TDRD6: variants seen among roughly 807,000 people sequenced by gnomAD.
TDRD6 encodes the protein tudor domain containing 6, also known as tudor domain-containing protein 6.
Under a neutral mutation model 157.5 loss-of-function variants are expected in TDRD6, and 186 were observed. The ratio of observed to expected loss-of-function variants is 1.18; its 90% CI spans 1.05 to 1.33. TDRD6 has a LOEUF of 1.33. Among genes scored for constraint, TDRD6 ranks in the 40% most tolerant of loss-of-function variants. TDRD6 has a pLI of 0.00. For synonymous variants in TDRD6, 1,075 were observed against 945.2 expected, an observed-to-expected ratio of 1.14 and a Z score of -2.52; for missense variants, 3,066 against 2,508.0, an observed-to-expected ratio of 1.22 and a Z score of -4.75.
In TDRD6 at chr6:46,691,016, A is replaced by G. The variant is rs774197702; in HGVS notation, c.2888A>G (p.Gln963Arg). The change falls in exon 1 of 4, where the codon CAG becomes CGG. Residue 963 changes from glutamine (Q) to arginine (R), a missense_variant. Physicochemically the swap from Gln to Arg is conservative, Grantham distance 43. Transcript: ENST00000316081. ...EKRLARPVKL[Q>R]KPLESSVQLH... is the part of the protein sequence containing the mutation. Reference sequence around the variant, plus strand: ...AGACTTGCAAGACCAGTAAAACTTCAGAAGCCTTTGGAGTCCTCTGTTCAG... The same window carrying G: ...AGACTTGCAAGACCAGTAAAACTTCGGAAGCCTTTGGAGTCCTCTGTTCAG... 16 of 1,613,736 alleles carry G rather than the reference A, an allele frequency of 9.9e-6. No homozygotes were observed. The highest frequency in any genetic ancestry group is 1.4e-5 in the Non-Finnish European group (16 of 1,179,934).
Position 46,691,619 on chromosome 6 carries a change from G to A in TDRD6, c.3491G>A (p.Arg1164Lys), listed in dbSNP as rs770534504. 6.2e-7 allele frequency: 1 copy of A among 1,612,190 alleles called. No individual in the cohort carries two copies. The highest frequency in any genetic ancestry group is 8.5e-7 in the Non-Finnish European group (1 of 1,179,268). Residue 1164 changes from arginine to lysine, a missense_variant, in exon 1 of 4, where the codon AGA becomes AAA. Transcript: ENST00000316081. ...TTGGGGCTACTTAGTTACAAAGATA[G>A]AATAAGAAAAAAAGAAAGTGAAGTC... is the stretch of plus-strand genomic sequence containing the variant. ...KKLGLLSYKD[R>K]IRKKESEVLC...
In TDRD6 at chr6:46,692,140, T is replaced by TTA; in HGVS notation, c.4013_4014dup (p.Asn1339Ter). On this transcript the variant is annotated frameshift_variant, in exon 1 of 4. Coordinates refer to ENST00000316081, the MANE Select transcript of TDRD6 (RefSeq NM_001010870.3). LOFTEE classifies it high-confidence loss of function. ...TGAAATTAGTCATCTTTCAGAGAGATTAAACAGTGTTAAAACAAGGCCCGA... is the reference window on the plus strand; with the variant it reads ...TGAAATTAGTCATCTTTCAGAGAGATTATAAACAGTGTTAAAACAAGGCCCGA... 1.2e-6 allele frequency: 2 copies of TTA among 1,614,088 alleles called. No individual in the cohort carries two copies. Among genetic ancestry groups the TTA allele is most frequent in the Non-Finnish European group, 1.7e-6 (2 of 1,179,972 alleles).
rs931543727 is a variant in TDRD6, at chr6:46,702,608, A to C, written c.*721A>C. ...ACTTTATTCATCAACTTTGAAGTGC[A>C]TATCAATATTATCCATATTTTATAG... is the stretch of plus-strand genomic sequence containing the variant. On this transcript the variant is annotated 3_prime_UTR_variant, in exon 4 of 4. Transcript: ENST00000316081. The C allele has an allele frequency of 6.6e-6, 1 of 152,148 alleles. No individual in the cohort carries two copies. Among genetic ancestry groups the C allele is most frequent in the African/African-American group, 2.4e-5 (1 of 41,450 alleles). The allele number at this position is 152,148 out of a possible 1,614,324, so 9.4% of individuals were successfully genotyped here.
chr6:46,687,954 G>A lies in TDRD6; in HGVS notation c.-175G>A, dbSNP rs1764150899. 3.8e-6 allele frequency: 4 copies of A among 1,059,898 alleles called. No individual in the cohort carries two copies. The highest frequency in any genetic ancestry group is 3.9e-5 in the South Asian group (2 of 51,934). The allele number at this position is 1,059,898 out of a possible 1,614,324, so 65.7% of individuals were successfully genotyped here. Reference sequence around the variant, plus strand: ...CTTACCAGTCCGTGGCGGGAGTCCCGGAGGACCCTCGACGGGGGAGTTGCC... The same window carrying A: ...CTTACCAGTCCGTGGCGGGAGTCCCAGAGGACCCTCGACGGGGGAGTTGCC... On this transcript the variant is annotated 5_prime_UTR_variant, in exon 1 of 4. Transcript: ENST00000316081.
rs544302994 is a variant in TDRD6, at chr6:46,687,964, C to T, written c.-165C>T. The T allele has an allele frequency of 9.5e-6, 11 of 1,152,662 alleles. No homozygotes were observed. Among genetic ancestry groups the T allele is most frequent in the African/African-American group, 4.9e-5 (3 of 60,664 alleles). The allele number at this position is 1,152,662 out of a possible 1,614,324, so 71.4% of individuals were successfully genotyped here. A position where few individuals can be genotyped will look rare whatever the true frequency, so the allele number is the denominator to read the frequency against. On this transcript the variant is annotated 5_prime_UTR_variant, in exon 1 of 4. Transcript: ENST00000316081. Reference sequence around the variant, plus strand: ...CGTGGCGGGAGTCCCGGAGGACCCTCGACGGGGGAGTTGCCGAGAAAAGGC... The same window carrying T: ...CGTGGCGGGAGTCCCGGAGGACCCTTGACGGGGGAGTTGCCGAGAAAAGGC...
At position 46,693,201 on chromosome 6, in the gene TDRD6, T is replaced by C. The variant is rs758339574; in HGVS notation, c.5073T>C (p.Ile1691=). Residue 1691 remains isoleucine (I), a synonymous_variant, in exon 1 of 4, where the codon ATT becomes ATC. Transcript: ENST00000316081. ...IVDLKSKGKS[I]NEKMEKYSKT... The stretch of plus-strand genomic sequence containing the variant: ...ACTTGAAAAGCAAAGGTAAAAGTAT[T>C]AATGAGAAAATGGAGAAATATTCTA... The C allele has an allele frequency of 6.2e-7, 1 of 1,610,422 alleles. No individual in the cohort carries two copies. The highest frequency in any genetic ancestry group is 1.7e-5 in the Admixed American group (1 of 59,024).
rs1399673014 is a variant in TDRD6 at position 46,691,538 on chromosome 6, T to C, written c.3410T>C (p.Leu1137Pro). ...LVVAKDPDGT[L>P]IIELYGDNIQ... ...GTAGCAAAAGATCCAGATGGAACAC[T>C]GATTATAGAACTATATGGTGACAAT... is the stretch of plus-strand genomic sequence containing the variant. The change falls in exon 1 of 4, where the codon CTG becomes CCG. Residue 1137 changes from leucine to proline, a missense_variant. Leu to Pro is a moderately conservative substitution (Grantham distance 98). Coordinates refer to ENST00000316081, the MANE Select transcript of TDRD6 (RefSeq NM_001010870.3). The C allele has an allele frequency of 1.2e-6, 2 of 1,613,930 alleles. No individual in the cohort carries two copies. The highest frequency in any genetic ancestry group is 2.2e-5 in the East Asian group (1 of 44,848).
At chr6:46,694,390 A>G (rs1764439939) in intron 1 of TDRD6, among the ~76,000 whole-genome samples, 1 of 151,652 alleles carries the variant, frequency 6.6e-6, no homozygotes, top group South Asian at 2.1e-4. Context: ...TTTTGTAGAG[A>G]CAGGGTTTGT....
chr6:46,690,293 C>CTT lies in TDRD6; in HGVS notation c.2167_2168dup (p.Leu723PhefsTer2). On this transcript the variant is annotated frameshift_variant, in exon 1 of 4. Coordinates refer to ENST00000316081, the MANE Select transcript of TDRD6 (RefSeq NM_001010870.3). LOFTEE classifies it high-confidence loss of function. The stretch of plus-strand genomic sequence containing the variant: ...AATAAAACCACATCTGTTTCAAAAG[C>CTT]TTTGAGTGACACAACAGTTGTAACA... 2 of 1,613,468 alleles carry CTT rather than the reference C, an allele frequency of 1.2e-6. No homozygotes were observed. Among genetic ancestry groups the CTT allele is most frequent in the South Asian group, 2.2e-5 (2 of 91,076 alleles).
In TDRD6 at chr6:46,693,702, T is replaced by G; in HGVS notation, c.5574T>G (p.Asn1858Lys). The G allele has an allele frequency of 6.2e-7, 1 of 1,614,188 alleles. No individual in the cohort carries two copies. Among genetic ancestry groups the G allele is most frequent in the Non-Finnish European group, 8.5e-7 (1 of 1,180,034 alleles). ...AACTGGAATCTATTGAGTTACAGAA[T>G]TCTCTGGTGGTGGATGAAGAAAAAG... ...FLELESIELQ[N>K]SLVVDEEKGE... is the part of the protein sequence containing the mutation. The change falls in exon 1 of 4, where the codon AAT becomes AAG. Residue 1858 changes from asparagine (N) to lysine (K), a missense_variant. Coordinates refer to ENST00000316081, the MANE Select transcript of TDRD6 (RefSeq NM_001010870.3).
chr6:46,704,259 GTT>G lies in TDRD6; in HGVS notation c.*2376_*2377del, dbSNP rs559433848. 466 of 309,416 alleles carry G rather than the reference GTT, an allele frequency of 1.5e-3. 2 individuals are homozygous for G. Among genetic ancestry groups the G allele is most frequent in the African/African-American group, 9.3e-3 (432 of 46,648 alleles). 19.2% of individuals were successfully genotyped at this position (309,416 alleles called of 1,614,324 possible). A position where few individuals can be genotyped will look rare whatever the true frequency, so the allele number is the denominator to read the frequency against. ...TGTCTGTCAAAGTAATGTAAAAACAGTTTTTAACTTCGACACTGAAAAGGAAT... is the reference window on the plus strand; with the variant it reads ...TGTCTGTCAAAGTAATGTAAAAACAGTTTAACTTCGACACTGAAAAGGAAT... On this transcript the variant is annotated 3_prime_UTR_variant, in exon 4 of 4. Coordinates refer to ENST00000316081, the MANE Select transcript of TDRD6 (RefSeq NM_001010870.3).
In TDRD6 at chr6:46,688,728, G is replaced by C. The variant is rs1192266288; in HGVS notation, c.600G>C (p.Val200=). The change falls in exon 1 of 4, where the codon GTG becomes GTC. Residue 200 remains valine (V), a synonymous_variant. Transcript: ENST00000316081. The part of the protein sequence containing the change: ...QMRELGLARR[V]PDSLFRSLLE... ...GGGAGCTGGGCCTGGCTCGGCGGGT[G>C]CCCGACAGCCTCTTCCGTTCGCTGC... 6.3e-7 allele frequency: 1 copy of C among 1,599,346 alleles called. No individual in the cohort carries two copies. Among genetic ancestry groups the C allele is most frequent in the East Asian group, 2.2e-5 (1 of 44,822 alleles).
In TDRD6 at chr6:46,692,205, A is replaced by C. The variant is rs1336301736; in HGVS notation, c.4077A>C (p.Ile1359=). The C allele has an allele frequency of 6.2e-7, 1 of 1,614,168 alleles. No homozygotes were observed. The highest frequency in any genetic ancestry group is 1.1e-5 in the South Asian group (1 of 91,080). The change falls in exon 1 of 4, where the codon ATA becomes ATC. Residue 1359 remains isoleucine (I), a synonymous_variant. Coordinates refer to ENST00000316081, the MANE Select transcript of TDRD6 (RefSeq NM_001010870.3). ...CACCTTTGCAAAGAGGAGATATGAT[A>C]TGTGCTGTTTTCCCAGAAGATAATT... ...VGPPLQRGDM[I]CAVFPEDNLW... is the part of the protein sequence containing the mutation.
chr6:46,691,673 A>G lies in TDRD6; in HGVS notation c.3545A>G (p.Glu1182Gly), dbSNP rs761783169. The change falls in exon 1 of 4, where the codon GAA becomes GGA. Residue 1182 changes from glutamate to glycine, a missense_variant. Glu to Gly is a moderately conservative substitution (Grantham distance 98). Coordinates refer to ENST00000316081, the MANE Select transcript of TDRD6 (RefSeq NM_001010870.3). ...VLCSTTETLEEKNENMKLPCT... is the reference protein window; with the variant it reads ...VLCSTTETLEGKNENMKLPCT... ...TGTTCTACAACTGAAACTCTTGAAGAAAAAAATGAGAATATGAAGTTGCCA... is the reference window on the plus strand; with the variant it reads ...TGTTCTACAACTGAAACTCTTGAAGGAAAAAATGAGAATATGAAGTTGCCA... 3.5e-5 allele frequency: 57 copies of G among 1,612,060 alleles called. No individual in the cohort carries two copies. The highest frequency in any genetic ancestry group is 4.8e-5 in the Non-Finnish European group (57 of 1,179,462).
rs1450396874 is a variant in TDRD6 at position 46,691,287 on chromosome 6, A to G, written c.3159A>G (p.Ile1053Met). 1.2e-6 allele frequency: 2 copies of G among 1,613,968 alleles called. No individual in the cohort carries two copies. The highest frequency in any genetic ancestry group is 1.1e-5 in the South Asian group (1 of 91,082). The change falls in exon 1 of 4, where the codon ATA (isoleucine) becomes ATG (methionine). Residue 1053 changes from isoleucine (I) to methionine (M), a missense_variant. Ile to Met is a conservative substitution (Grantham distance 10). Coordinates refer to ENST00000316081, the MANE Select transcript of TDRD6 (RefSeq NM_001010870.3). The stretch of plus-strand genomic sequence containing the variant: ...CTGATGGAAACTGGTATAGGGGCAT[A>G]GTAATAGAGAAAGAGCCAAAGAAAG... ...KYTDGNWYRG[I>M]VIEKEPKKVF...
Position 46,692,886 on chromosome 6 carries a change from G to T in TDRD6, c.4758G>T (p.Arg1586Ser), listed in dbSNP as rs2150680479. The T allele has an allele frequency of 1.9e-6, 3 of 1,614,016 alleles. No individual in the cohort carries two copies. The highest frequency in any genetic ancestry group is 1.7e-6 in the Non-Finnish European group (2 of 1,180,002). ...VRYREDGHYY[R>S]ALITNICEDY... ...ACAGAGAAGATGGACATTATTATAGGGCACTTATCACTAATATTTGTGAAG... is the reference window on the plus strand; with the variant it reads ...ACAGAGAAGATGGACATTATTATAGTGCACTTATCACTAATATTTGTGAAG... The change falls in exon 1 of 4, where the codon AGG becomes AGT. Residue 1586 changes from arginine to serine, a missense_variant. By Grantham distance (110) the Arg-to-Ser change is moderately radical (BLOSUM62 -1). Transcript: ENST00000316081.
chr6:46,692,203 A>AT lies in TDRD6; in HGVS notation c.4076dup (p.Cys1360MetfsTer8), dbSNP rs1395362512. Reference sequence around the variant, plus strand: ...TCCACCTTTGCAAAGAGGAGATATGATATGTGCTGTTTTCCCAGAAGATAA... The same window carrying AT: ...TCCACCTTTGCAAAGAGGAGATATGATTATGTGCTGTTTTCCCAGAAGATAA... On this transcript the variant is annotated frameshift_variant, in exon 1 of 4. Transcript: ENST00000316081. LOFTEE classifies it high-confidence loss of function. 5.0e-6 allele frequency: 8 copies of AT among 1,614,164 alleles called. No homozygotes were observed. The highest frequency in any genetic ancestry group is 1.7e-5 in the Admixed American group (1 of 60,020).
rs1381953077 is a variant in TDRD6, at chr6:46,689,783, A to G, written c.1655A>G (p.Tyr552Cys). ...LCCVKWKENGYYRAIVTKLDD... is the reference protein window; with the variant it reads ...LCCVKWKENGCYRAIVTKLDD... ...TGTGTCAAGTGGAAAGAAAATGGTT[A>G]TTATAGGGCCATAGTCACCAAATTG... Residue 552 changes from tyrosine (Y) to cysteine (C), a missense_variant, in exon 1 of 4, where the codon TAT becomes TGT. By Grantham distance (194) the Tyr-to-Cys change is radical. Coordinates refer to ENST00000316081, the MANE Select transcript of TDRD6 (RefSeq NM_001010870.3). 3 of 1,614,072 alleles carry G rather than the reference A, an allele frequency of 1.9e-6. No homozygotes were observed. The highest frequency in any genetic ancestry group is 1.7e-6 in the Non-Finnish European group (2 of 1,180,052).
chr6:46,689,631 G>A lies in TDRD6; in HGVS notation c.1503G>A (p.Glu501=), dbSNP rs907782830. 5 of 1,614,096 alleles carry A rather than the reference G, an allele frequency of 3.1e-6. No individual in the cohort carries two copies. The African/African-American group carries it at 4.0e-5, about 13-fold the overall frequency. ...AQVEFVKNPS[E]FWIRLRKHNV... Reference sequence around the variant, plus strand: ...TAGAGTTTGTTAAAAATCCTTCTGAGTTTTGGATTAGGTTGAGGAAACACA... The same window carrying A: ...TAGAGTTTGTTAAAAATCCTTCTGAATTTTGGATTAGGTTGAGGAAACACA... Residue 501 remains glutamate (E), a synonymous_variant, in exon 1 of 4, where the codon GAG becomes GAA. Coordinates refer to ENST00000316081, the MANE Select transcript of TDRD6 (RefSeq NM_001010870.3).
Sources: gnomAD v4.1 joint callset for allele counts (sites outside exome capture counted in the v4.1 genomes callset) on GRCh38, gnomAD v4.1.1 for gene constraint, MANE v1.5 for transcripts, NCBI Gene and HGNC (gene_info 2026-07-23, HGNC 2026-07-21) for gene names.